FIG4: variants seen among roughly 807,000 people sequenced by gnomAD.
FIG4 encodes the protein FIG4 phosphoinositide 5-phosphatase, also known as polyphosphoinositide phosphatase.
A neutral mutation model predicts 118.6 loss-of-function variants in FIG4; 112 were observed. The observed-to-expected ratio is 0.94, with a 90% CI of 0.81 to 1.11. The LOEUF is 1.11. FIG4 is among the 50% of genes least tolerant of loss of function. FIG4 has a pLI of 0.00. For missense variants in FIG4, 969 were observed against 1,111.7 expected, an observed-to-expected ratio of 0.87 and a Z score of 1.83; for synonymous variants, 369 against 381.2, an observed-to-expected ratio of 0.97 and a Z score of 0.37.
At chr6:109,741,880 GA>G (rs1404032743) in intron 8 of FIG4, among the ~76,000 whole-genome samples, 1 of 152,006 alleles carries the variant, frequency 6.6e-6, no homozygotes, top group African/African-American at 2.4e-5. Flanking sequence ...ATTGTTAAGG[GA>G]ATAATGACAA....
chr6:109,799,739 T>C (rs1293803082), intron 22 of FIG4, among the ~76,000 whole-genome samples: 2 of 152,220 alleles, frequency 1.3e-5, no homozygotes, highest in Admixed American at 6.5e-5. Context: ...ACAGGGGCTC[T>C]TGAAATGAGC....
intron 3 of FIG4, among the ~76,000 whole-genome samples, chr6:109,718,106 G>A (rs1775489878): frequency 6.6e-6 from 1 of 152,098 alleles, no homozygotes; most frequent in Non-Finnish European, 1.5e-5. Flanking sequence ...GAAGGGGAAG[G>A]GACAGCAGGT....
intron 4 of FIG4, among the ~76,000 whole-genome samples, chr6:109,731,407 T>C (rs918881004): frequency 1.1e-4 from 16 of 152,210 alleles, no homozygotes; most frequent in African/African-American, 3.4e-4. Flanking sequence ...GGCAGCATTG[T>C]ATCTTATAGT....
intron 22 of FIG4, among the ~76,000 whole-genome samples, chr6:109,805,557 A>G (rs1257889892): frequency 6.6e-6 from 1 of 152,140 alleles, no homozygotes; most frequent in Admixed American, 6.5e-5. Flanking sequence ...ATGGTTTTAC[A>G]TCCATTACTA....
intron 3 of FIG4, among the ~76,000 whole-genome samples, chr6:109,722,533 C>T (rs906084881): frequency 5.3e-5 from 8 of 151,916 alleles, no homozygotes; most frequent in African/African-American, 1.9e-4. Context: ...GAGACACACA[C>T]ACACATACAG....
At chr6:109,733,304 A>T (rs1343145166) in intron 5 of FIG4, among the ~76,000 whole-genome samples, 2 of 152,256 alleles carry the variant, frequency 1.3e-5, no homozygotes, top group East Asian at 3.9e-4. Context: ...TGATAATTGA[A>T]GAACAGGCAA....
At chr6:109,819,001 A>G (rs892468171) in intron 22 of FIG4, among the ~76,000 whole-genome samples, 7 of 152,130 alleles carry the variant, frequency 4.6e-5, no homozygotes, top group African/African-American at 1.7e-4. Context: ...TTAGCTTCCC[A>G]GTTATCCGTG....
At chr6:109,794,928 C>G (rs1311660779) in intron 21 of FIG4, among the ~76,000 whole-genome samples, 4 of 152,066 alleles carry the variant, frequency 2.6e-5, no homozygotes, top group African/African-American at 9.7e-5. Flanking sequence ...AGGCCTTGCC[C>G]ACCTTTGGAC....
intron 15 of FIG4, 49 bp from the exon 16 acceptor site, chr6:109,776,873 A>G (rs375373498): frequency 9.8e-6 from 14 of 1,421,710 alleles, no homozygotes; most frequent in African/African-American, 2.8e-5. Context: ...CTCTTGAGTT[A>G]TATATCCATC....
chr6:109,752,684 C>T (rs879910860), intron 10 of FIG4, among the ~76,000 whole-genome samples: 118 of 151,292 alleles, frequency 7.8e-4, no homozygotes, highest in Non-Finnish European at 1.6e-3. Context: ...TTTGATGGGG[C>T]TGTTTGTTTT....
At chr6:109,735,392 T>C in intron 6 of FIG4, 94 bp downstream of exon 6, 1 of 1,241,534 alleles carries the variant, frequency 8.1e-7, no homozygotes, top group Non-Finnish European at 1.2e-6. Context: ...TATTTGTCCA[T>C]CCCTCTTTGC....
chr6:109,774,535 A>G (rs1015696381), intron 15 of FIG4, among the ~76,000 whole-genome samples: 9 of 152,062 alleles, frequency 5.9e-5, no homozygotes, highest in African/African-American at 2.2e-4. Flanking sequence ...TATATATTAT[A>G]TAGATATATA....
chr6:109,797,896 CA>C (rs11341028), intron 22 of FIG4, among the ~76,000 whole-genome samples: 18,624 of 78,894 alleles, frequency 0.24, 2,203 homozygotes, highest in African/African-American at 0.44. Flanking sequence ...ACTCCATCTC[CA>C]AAAAAAAAAA....
chr6:109,741,214 A>C lies in FIG4; in HGVS notation c.776-230A>C, dbSNP rs546476491. Reference sequence around the variant, plus strand: ...CTACACCTGGTTACCATTTTCTCTGAAATTTATGGAAAGCACTCCTTAGTC... The same window carrying C: ...CTACACCTGGTTACCATTTTCTCTGCAATTTATGGAAAGCACTCCTTAGTC... On this transcript the variant is annotated intron_variant, in intron 7 of 22. Coordinates refer to ENST00000230124, the MANE Select transcript of FIG4 (RefSeq NM_014845.6). Among the ~76,000 whole-genome samples, 11 of 152,226 alleles carry C rather than the reference A, an allele frequency of 7.2e-5. No homozygotes were observed. The South Asian group carries it at 2.3e-3, about 32-fold the overall frequency.
At chr6:109,805,578 G>A (rs1014327849) in intron 22 of FIG4, among the ~76,000 whole-genome samples, 2 of 152,152 alleles carry the variant, frequency 1.3e-5, no homozygotes, top group Non-Finnish European at 2.9e-5. Context: ...AAGGGTTGCA[G>A]TTTCTATTCC....
At chr6:109,805,518 C>CTG (rs1479423320) in intron 22 of FIG4, among the ~76,000 whole-genome samples, 5 of 152,120 alleles carry the variant, frequency 3.3e-5, no homozygotes, top group Non-Finnish European at 7.4e-5. Context: ...AACCCACTTT[C>CTG]TGTTAACTTG....
intron 6 of FIG4, 46 bp from the exon 7 acceptor site, chr6:109,738,279 A>C: frequency 2.0e-6 from 3 of 1,515,354 alleles, no homozygotes; most frequent in Non-Finnish European, 1.8e-6. Flanking sequence ...AATTGATACA[A>C]AATATTTTGT....
intron 13 of FIG4, among the ~76,000 whole-genome samples, chr6:109,764,443 GA>G (rs71018365): frequency 0.52 from 66,901 of 128,744 alleles, 15,467 homozygotes; most frequent in East Asian, 0.7. Flanking sequence ...GTCTCAGAAA[GA>G]AAAAAAAAAA....
At chr6:109,742,214 G>A (rs1409577215) in intron 8 of FIG4, among the ~76,000 whole-genome samples, 9 of 152,018 alleles carry the variant, frequency 5.9e-5, no homozygotes, top group South Asian at 2.1e-4. Flanking sequence ...CACCCAAGTA[G>A]AAGGCAGCAC....
Sources: gnomAD v4.1 joint callset for allele counts (sites outside exome capture counted in the v4.1 genomes callset) on GRCh38, gnomAD v4.1.1 for gene constraint, MANE v1.5 for transcripts, NCBI Gene and HGNC (gene_info 2026-07-23, HGNC 2026-07-21) for gene names.